Variants in COMMD10 observed in about 807,000 individuals in gnomAD.
COMMD10 encodes COMM domain containing 10, also known as COMM domain-containing protein 10.
In COMMD10, 33 loss-of-function variants were observed where a neutral mutation model predicts 28.9. The ratio of observed to expected loss-of-function variants is 1.14; its 90% CI spans 0.87 to 1.53. The LOEUF (loss-of-function observed/expected upper bound fraction) is 1.53. Among genes scored for constraint, COMMD10 ranks in the 40% most tolerant of loss-of-function variants. The pLI, the probability that COMMD10 is intolerant of heterozygous loss-of-function variation, is 0.00. For synonymous variants in COMMD10, 110 were observed against 81.7 expected, an observed-to-expected ratio of 1.35 and a Z score of -1.87; for missense variants, 310 against 233.4, an observed-to-expected ratio of 1.33 and a Z score of -2.14.
intron 5 of COMMD10, among the ~76,000 whole-genome samples, chr5:116,213,715 TTA>T (rs995330081): frequency 6.6e-6 from 1 of 152,098 alleles, no homozygotes; most frequent in African/African-American, 2.4e-5. Flanking sequence ...ATATATTTTT[TTA>T]TTAGTCTTAT....
intron 4 of COMMD10, among the ~76,000 whole-genome samples, chr5:116,131,290 A>G (rs1362404786): frequency 6.6e-6 from 1 of 152,004 alleles, no homozygotes; most frequent in Non-Finnish European, 1.5e-5. Flanking sequence ...AGCAAACCAA[A>G]TGAAAGCTAG....
intron 5 of COMMD10, among the ~76,000 whole-genome samples, chr5:116,165,860 G>C (rs944512151): frequency 6.6e-6 from 1 of 152,066 alleles, no homozygotes; most frequent in Admixed American, 6.6e-5. Flanking sequence ...CTACACTGCT[G>C]TTTAGGGCTA....
intron 5 of COMMD10, among the ~76,000 whole-genome samples, chr5:116,182,522 T>C (rs1207359408): frequency 6.6e-6 from 1 of 151,804 alleles, no homozygotes; most frequent in Non-Finnish European, 1.5e-5. Flanking sequence ...GAAGAAACTT[T>C]GTTGCTGAGA....
Position 116,248,935 on chromosome 5 carries a change from G to T in COMMD10, c.511-42582G>T, listed in dbSNP as rs531943944. Among the ~76,000 whole-genome samples the T allele has an allele frequency of 1.2e-4, 18 of 152,040 alleles. No individual in the cohort carries two copies. The East Asian group carries it at 3.3e-3, about 28-fold the overall frequency. The stretch of plus-strand genomic sequence containing the variant: ...TACTGACATCTTGTTTGAACATCTT[G>T]TTTGGAGATTTCTAAAATCAAGTAA... On this transcript the variant is annotated intron_variant, in intron 5 of 6. Transcript: ENST00000274458.
intron 5 of COMMD10, among the ~76,000 whole-genome samples, chr5:116,193,015 C>G (rs1297287201): frequency 6.6e-6 from 1 of 152,204 alleles, no homozygotes; most frequent in Non-Finnish European, 1.5e-5. Flanking sequence ...CTTCAGCCTC[C>G]TCACACAAAA....
chr5:116,098,706 T>C (rs1466576304), intron 4 of COMMD10, among the ~76,000 whole-genome samples: 1 of 152,192 alleles, frequency 6.6e-6, no homozygotes, highest in Admixed American at 6.5e-5. Flanking sequence ...CCTCGCTAGA[T>C]ACTGAGGAAA....
At chr5:116,114,532 G>T (rs1223884077) in intron 4 of COMMD10, among the ~76,000 whole-genome samples, 1 of 152,152 alleles carries the variant, frequency 6.6e-6, no homozygotes, top group African/African-American at 2.4e-5. Flanking sequence ...GGTGTCTCAG[G>T]CAGTGGGCTG....
In COMMD10 at chr5:116,257,808, T is replaced by C. The variant is rs188732878; in HGVS notation, c.511-33709T>C. The stretch of plus-strand genomic sequence containing the variant: ...AACAGAAAATTTTAAGATTCTTATA[T>C]GTGGACCACTTTGTATAATGTGCCT... On this transcript the variant is annotated intron_variant, in intron 5 of 6. Coordinates refer to ENST00000274458, the MANE Select transcript of COMMD10 (RefSeq NM_016144.4). Among the ~76,000 whole-genome samples, 190 of 151,944 alleles carry C rather than the reference T, an allele frequency of 1.3e-3. 2 individuals are homozygous for C. The highest frequency in any genetic ancestry group is 5.7e-4 in the Non-Finnish European group (39 of 67,956).
intron 5 of COMMD10, among the ~76,000 whole-genome samples, chr5:116,270,245 A>T (rs896246776): frequency 2.6e-5 from 4 of 151,916 alleles, no homozygotes; most frequent in African/African-American, 7.3e-5. Flanking sequence ...AAGTTTATAC[A>T]TTGTTACAGC....
Position 116,210,320 on chromosome 5 carries a change from TTA to T in COMMD10, c.510+76155_510+76156del, listed in dbSNP as rs143226891. 1.5e-4 allele frequency among the ~76,000 whole-genome samples: 22 copies of T among 150,298 alleles called. 1 individual carries two copies. Among genetic ancestry groups the T allele is most frequent in the South Asian group, 4.2e-4 (2 of 4,786 alleles). On this transcript the variant is annotated intron_variant, in intron 5 of 6. Transcript: ENST00000274458. Reference sequence around the variant, plus strand: ...TTATTCTGTTAAATTATGTATGTATTTATATATATATATACATATATATACAC... The same window carrying T: ...TTATTCTGTTAAATTATGTATGTATTTATATATATATACATATATATACAC...
At chr5:116,106,668 C>T (rs889215903) in intron 4 of COMMD10, among the ~76,000 whole-genome samples, 3 of 152,172 alleles carry the variant, frequency 2.0e-5, no homozygotes, top group African/African-American at 7.2e-5. Context: ...TGGGGTGCTC[C>T]TGTATTGGGT....
intron 5 of COMMD10, among the ~76,000 whole-genome samples, chr5:116,141,381 T>G (rs1049224586): frequency 1.3e-5 from 2 of 151,924 alleles, no homozygotes; most frequent in South Asian, 2.1e-4. Flanking sequence ...TTTGTTTTAC[T>G]TTCTCAAGAT....
chr5:116,184,937 A>C (rs2112602132), intron 5 of COMMD10, among the ~76,000 whole-genome samples: 1 of 152,048 alleles, frequency 6.6e-6, no homozygotes, highest in South Asian at 2.1e-4. Context: ...AAGTTACTTG[A>C]CTCCTCTGGG....
At chr5:116,164,983 AAAAGTCAGTGAT>A in intron 5 of COMMD10, among the ~76,000 whole-genome samples, 1 of 152,322 alleles carries the variant, frequency 6.6e-6, no homozygotes, top group East Asian at 1.9e-4. Flanking sequence ...CCAAGACATG[AAAAGTCAGTGAT>A]AAAGTCAGTA....
chr5:116,279,273 C>G (rs528534408), intron 5 of COMMD10, among the ~76,000 whole-genome samples: 3 of 151,980 alleles, frequency 2.0e-5, no homozygotes, highest in Non-Finnish European at 4.4e-5. Flanking sequence ...GCTATGCTAA[C>G]AAGTTTAGAG....
intron 5 of COMMD10, among the ~76,000 whole-genome samples, chr5:116,259,736 A>G (rs1387314566): frequency 2.6e-5 from 4 of 151,766 alleles, no homozygotes; most frequent in African/African-American, 9.7e-5. Flanking sequence ...TCCCGGTTGT[A>G]GAAGTTTTTC....
intron 4 of COMMD10, among the ~76,000 whole-genome samples, chr5:116,120,969 G>T (rs1398317399): frequency 1.3e-5 from 2 of 151,458 alleles, no homozygotes; most frequent in African/African-American, 4.9e-5. Context: ...ATATGTTTTT[G>T]TATAGGCCTA....
chr5:116,165,569 T>C (rs954424307), intron 5 of COMMD10, among the ~76,000 whole-genome samples: 1 of 152,128 alleles, frequency 6.6e-6, no homozygotes, highest in South Asian at 2.1e-4. Flanking sequence ...GTCTGCCTTG[T>C]CTTCACATGA....
intron 5 of COMMD10, 106 bp from the exon 6 acceptor site, chr5:116,291,411 C>A: frequency 1.3e-6 from 1 of 768,270 alleles, no homozygotes; most frequent in African/African-American, 1.8e-5. Flanking sequence ...TTTTTAAAAC[C>A]ACTCAGAGGA....
Sources: allele counts gnomAD v4.1 joint callset (sites outside exome capture counted in the v4.1 genomes callset), GRCh38; gene constraint gnomAD v4.1.1; transcripts MANE v1.5; gene names NCBI Gene and HGNC (gene_info 2026-07-23, HGNC 2026-07-21).